TNS3: variants seen among roughly 807,000 people sequenced by gnomAD.
The protein encoded by TNS3 is tensin-3.
In TNS3, 45 loss-of-function variants were observed where a neutral mutation model predicts 140.9. The observed-to-expected ratio is 0.32, with a 90% CI of 0.25 to 0.41. The LOEUF is 0.41. Among genes scored for constraint, TNS3 ranks in the 10% least tolerant of loss-of-function variants. The pLI is 1.00. For missense variants in TNS3, 1,716 were observed against 1,906.7 expected, an observed-to-expected ratio of 0.90 and a Z score of 1.86; for synonymous variants, 815 against 788.4, an observed-to-expected ratio of 1.03 and a Z score of -0.56.
intron 4 of TNS3, among the ~76,000 whole-genome samples, chr7:47,479,358 G>T (rs915138591): frequency 3.9e-5 from 6 of 152,182 alleles, no homozygotes; most frequent in African/African-American, 1.4e-4. Context: ...ACAGCTCTGG[G>T]GCCACCTGGG....
intron 20 of TNS3, among the ~76,000 whole-genome samples, chr7:47,337,455 CAAG>C (rs1230879601): frequency 6.6e-6 from 1 of 152,198 alleles, no homozygotes; most frequent in Non-Finnish European, 1.5e-5. Flanking sequence ...TACTAATTAA[CAAG>C]AAGCCAGAAC....
chr7:47,280,767 G>T (rs1785103095), intron 28 of TNS3, among the ~76,000 whole-genome samples: 1 of 152,184 alleles, frequency 6.6e-6, no homozygotes, highest in Non-Finnish European at 1.5e-5. Flanking sequence ...ACAAAAATTA[G>T]TCGGGTGTGG....
At position 47,369,737 on chromosome 7, in the gene TNS3, A is replaced by C. The variant is rs574930514; in HGVS notation, c.1025-116T>G. The C allele has an allele frequency of 3.5e-5, 42 of 1,206,770 alleles. No homozygotes were observed. In the East Asian group the frequency reaches 5.4e-4, roughly 15 times the overall value. The allele number at this position is 1,206,770 out of a possible 1,614,324, so 74.8% of individuals were successfully genotyped here. On this transcript the variant is annotated intron_variant, in intron 16 of 30. Coordinates refer to ENST00000311160, the MANE Select transcript of TNS3 (RefSeq NM_022748.12). Reference sequence around the variant, plus strand: ...AATAAATGGATTCAAAATATGACTTACAATAAACAAGGACAAAGATTCCTC... The same window carrying C: ...AATAAATGGATTCAAAATATGACTTCCAATAAACAAGGACAAAGATTCCTC...
intron 13 of TNS3, among the ~76,000 whole-genome samples, chr7:47,401,698 T>C (rs995464527): frequency 6.6e-6 from 1 of 152,188 alleles, no homozygotes; most frequent in Non-Finnish European, 1.5e-5. Flanking sequence ...CCTGCCTGTA[T>C]AACTAGGTCC....
chr7:47,578,169 T>G (rs1250332599), intron 1 of TNS3, among the ~76,000 whole-genome samples: 1 of 151,868 alleles, frequency 6.6e-6, no homozygotes, highest in East Asian at 1.9e-4. Context: ...AAAAATTAGC[T>G]GGGCATGGTG....
At chr7:47,376,666 A>G (rs1791403120) in intron 16 of TNS3, among the ~76,000 whole-genome samples, 1 of 151,968 alleles carries the variant, frequency 6.6e-6, no homozygotes, top group South Asian at 2.1e-4. Flanking sequence ...CCAAAAAAAG[A>G]TAAAATTCTA....
intron 16 of TNS3, among the ~76,000 whole-genome samples, chr7:47,378,782 T>C (rs993874650): frequency 4.6e-5 from 7 of 152,198 alleles, no homozygotes; most frequent in African/African-American, 1.7e-4. Flanking sequence ...GATTGTGTCA[T>C]GCACACCCAG....
intron 27 of TNS3, among the ~76,000 whole-genome samples, chr7:47,291,326 T>C (rs969720907): frequency 1.1e-4 from 17 of 152,196 alleles, no homozygotes; most frequent in Non-Finnish European, 8.8e-5. Flanking sequence ...ATCAAGTCCC[T>C]AAACTAGGGA....
chr7:47,511,538 A>AC (rs1485150008), intron 2 of TNS3, among the ~76,000 whole-genome samples: 1 of 87,362 alleles, frequency 1.1e-5, no homozygotes, highest in African/African-American at 3.2e-5. Context: ...CGTGATGAAT[A>AC]CAAACCACAC....
intron 2 of TNS3, among the ~76,000 whole-genome samples, chr7:47,522,538 C>A (rs1445098715): frequency 6.6e-6 from 1 of 152,234 alleles, no homozygotes; most frequent in Non-Finnish European, 1.5e-5. Context: ...ACCTCCTGGT[C>A]TCTAGCACAC....
At chr7:47,448,342 C>T (rs535577027) in intron 4 of TNS3, among the ~76,000 whole-genome samples, 32 of 152,342 alleles carry the variant, frequency 2.1e-4, no homozygotes, top group African/African-American at 7.0e-4. Context: ...TGGGATCCTC[C>T]CCAGGTGGGG....
intron 2 of TNS3, among the ~76,000 whole-genome samples, chr7:47,519,124 C>T (rs334531): frequency 0.34 from 52,352 of 151,994 alleles, 10,651 homozygotes; most frequent in Non-Finnish European, 0.46. Flanking sequence ...GTGAGACCCA[C>T]TGAGGCCCCG....
intron 20 of TNS3, among the ~76,000 whole-genome samples, chr7:47,309,930 C>T (rs1458380891): frequency 3.3e-5 from 5 of 152,212 alleles, no homozygotes; most frequent in South Asian, 2.1e-4. Flanking sequence ...TCAGATCGCC[C>T]AAGGCAGCCA....
chr7:47,491,089 A>G (rs942471180), intron 3 of TNS3, among the ~76,000 whole-genome samples: 8 of 152,186 alleles, frequency 5.3e-5, no homozygotes, highest in African/African-American at 1.4e-4. Context: ...CTGTGGCTTC[A>G]GCACGAGGCG....
intron 1 of TNS3, among the ~76,000 whole-genome samples, chr7:47,568,882 G>T (rs1479153824): frequency 1.3e-5 from 2 of 152,228 alleles, no homozygotes; most frequent in African/African-American, 2.4e-5. Context: ...AGGACAGATG[G>T]ATCTGCTGAT....
chr7:47,364,160 G>T (rs924211229), intron 17 of TNS3, among the ~76,000 whole-genome samples: 3 of 151,932 alleles, frequency 2.0e-5, no homozygotes, highest in Non-Finnish European at 4.4e-5. Context: ...TGTCAATACT[G>T]AAATTTAAAT....
intron 20 of TNS3, among the ~76,000 whole-genome samples, chr7:47,308,520 G>A (rs945820495): frequency 9.9e-5 from 15 of 152,080 alleles, no homozygotes; most frequent in African/African-American, 3.6e-4. Flanking sequence ...ATTTTTGATT[G>A]AATGCCAGAC....
At chr7:47,395,703 G>A (rs1003441652) in intron 16 of TNS3, among the ~76,000 whole-genome samples, 2 of 152,192 alleles carry the variant, frequency 1.3e-5, no homozygotes, top group Non-Finnish European at 2.9e-5. Context: ...TTACAGGCCA[G>A]AGCAAAGCTC....
intron 16 of TNS3, among the ~76,000 whole-genome samples, chr7:47,379,814 C>T (rs982521968): frequency 6.6e-6 from 1 of 152,204 alleles, no homozygotes; most frequent in Non-Finnish European, 1.5e-5. Flanking sequence ...GCGGCAGCAC[C>T]AGGACACCTT....
Sources: gnomAD v4.1 joint callset for allele counts (sites outside exome capture counted in the v4.1 genomes callset) on GRCh38, gnomAD v4.1.1 for gene constraint, MANE v1.5 for transcripts, NCBI Gene and HGNC (gene_info 2026-07-23, HGNC 2026-07-21) for gene names.